PIGK: variants seen among roughly 807,000 people sequenced by gnomAD.
PIGK encodes GPI-anchor transamidase.
In PIGK, 42 loss-of-function variants were observed where a neutral mutation model predicts 50.6. The observed-to-expected ratio is 0.83, with a 90% CI of 0.65 to 1.07. The LOEUF (loss-of-function observed/expected upper bound fraction) is 1.07, where lower values mean the gene tolerates loss of function less well. PIGK is among the 50% of genes least tolerant of loss of function. PIGK has a pLI of 0.00. For missense variants in PIGK, 448 were observed against 488.7 expected, an observed-to-expected ratio of 0.92 and a Z score of 0.78; for synonymous variants, 151 against 156.0, an observed-to-expected ratio of 0.97 and a Z score of 0.24.
intron 6 of PIGK, among the ~76,000 whole-genome samples, chr1:77,162,719 A>T (rs1193375495): frequency 6.6e-6 from 1 of 152,170 alleles, no homozygotes; most frequent in Non-Finnish European, 1.5e-5. Context: ...GAACCTAGAA[A>T]ACAAAGCATT....
chr1:77,125,546 G>C (rs781064960), intron 9 of PIGK, among the ~76,000 whole-genome samples: 44 of 152,182 alleles, frequency 2.9e-4, no homozygotes, highest in Non-Finnish European at 4.7e-4. Flanking sequence ...ATATCAAGAA[G>C]TGTGATGCTA....
chr1:77,179,599 T>C (rs1444732584), intron 3 of PIGK, among the ~76,000 whole-genome samples: 1 of 152,144 alleles, frequency 6.6e-6, no homozygotes, highest in Non-Finnish European at 1.5e-5. Context: ...CTTTCCCTTT[T>C]TTTTCTCTAT....
At chr1:77,186,851 C>T (rs1365324211) in intron 3 of PIGK, among the ~76,000 whole-genome samples, 3 of 152,182 alleles carry the variant, frequency 2.0e-5, no homozygotes, top group Non-Finnish European at 4.4e-5. Flanking sequence ...CTCAATATGG[C>T]ACCATTCCTC....
rs373853392 is a variant in PIGK at position 77,163,950 on chromosome 1, A to G, written c.488-8T>C. 3.6e-5 allele frequency: 53 copies of G among 1,459,624 alleles called. 1 individual carries two copies. The East Asian group carries it at 4.1e-4, about 11-fold the overall frequency. 90.4% of individuals were successfully genotyped at this position (1,459,624 alleles called of 1,614,324 possible). A position where few individuals can be genotyped will look rare whatever the true frequency, so the allele number is the denominator to read the frequency against. On this transcript the variant is annotated splice_polypyrimidine_tract_variant and splice_region_variant and intron_variant, in intron 5 of 10. Coordinates refer to ENST00000370812, the MANE Select transcript of PIGK (RefSeq NM_005482.3). Reference sequence around the variant, plus strand: ...AACCATTTCCACCATGCCCTTGTATAAAGAGTAAAAAAGATCAATAGATTT... The same window carrying G: ...AACCATTTCCACCATGCCCTTGTATGAAGAGTAAAAAAGATCAATAGATTT...
intron 3 of PIGK, among the ~76,000 whole-genome samples, chr1:77,181,173 A>G (rs371358314): frequency 6.6e-6 from 1 of 152,170 alleles, no homozygotes; most frequent in East Asian, 1.9e-4. Flanking sequence ...GCCTAAAATA[A>G]TAATTTCCCA....
chr1:77,166,612 C>A, intron 5 of PIGK, 107 bp downstream of exon 5: 2 of 591,946 alleles, frequency 3.4e-6, no homozygotes, highest in South Asian at 2.5e-5. Flanking sequence ...CATGAGAAAC[C>A]ATTTTAACCA....
intron 9 of PIGK, among the ~76,000 whole-genome samples, chr1:77,135,048 T>C (rs1654468247): frequency 6.6e-6 from 1 of 152,166 alleles, no homozygotes; most frequent in South Asian, 2.1e-4. Flanking sequence ...TATTGGTTAA[T>C]ATTTGTAAAC....
At chr1:77,108,019 C>T (rs544731945) in intron 10 of PIGK, among the ~76,000 whole-genome samples, 18 of 152,174 alleles carry the variant, frequency 1.2e-4, no homozygotes, top group Non-Finnish European at 1.6e-4. Flanking sequence ...ATACAGCACA[C>T]TGATGGCTCT....
chr1:77,147,861 C>T (rs1428871654), intron 9 of PIGK, among the ~76,000 whole-genome samples: 10 of 152,170 alleles, frequency 6.6e-5, no homozygotes, highest in Non-Finnish European at 1.3e-4. Flanking sequence ...TACTATATAA[C>T]TTTATCTTAC....
intron 10 of PIGK, among the ~76,000 whole-genome samples, chr1:77,109,486 T>G (rs951949028): frequency 2.6e-5 from 4 of 152,162 alleles, no homozygotes; most frequent in Non-Finnish European, 4.4e-5. Context: ...ATCCAGCATA[T>G]AAACAGAACC....
intron 3 of PIGK, among the ~76,000 whole-genome samples, chr1:77,199,358 A>G (rs757036744): frequency 1.3e-5 from 2 of 152,068 alleles, no homozygotes; most frequent in Non-Finnish European, 2.9e-5. Context: ...TTCAAACACT[A>G]TTATTTATAT....
chr1:77,169,364 C>G lies in PIGK; in HGVS notation c.271G>C (p.Ala91Pro). The change falls in exon 4 of 11, where the codon GCC becomes CCC. Residue 91 changes from alanine to proline, a missense_variant. By Grantham distance (27) the Ala-to-Pro change is conservative. Coordinates refer to ENST00000370812, the MANE Select transcript of PIGK (RefSeq NM_005482.3). ...HIVLMLADDM[A>P]CNPRNPKPAT... Reference sequence around the variant, plus strand: ...GGTTTGGGATTTCTAGGATTACAGGCCATATCATCTGCAAGCATTAGGACA... The same window carrying G: ...GGTTTGGGATTTCTAGGATTACAGGGCATATCATCTGCAAGCATTAGGACA... 1 of 1,605,196 alleles carries G rather than the reference C, an allele frequency of 6.2e-7. No individual in the cohort carries two copies. The highest frequency in any genetic ancestry group is 8.5e-7 in the Non-Finnish European group (1 of 1,175,730).
At chr1:77,196,628 T>A (rs893417023) in intron 3 of PIGK, among the ~76,000 whole-genome samples, 4 of 152,216 alleles carry the variant, frequency 2.6e-5, no homozygotes, top group African/African-American at 7.2e-5. Context: ...TTGAGAAGTG[T>A]CTGTTTATAT....
chr1:77,193,245 ATGTGTGTGTGTGTG>A (rs56987496), intron 3 of PIGK, among the ~76,000 whole-genome samples: 11 of 144,876 alleles, frequency 7.6e-5, no homozygotes, highest in African/African-American at 2.9e-4. Flanking sequence ...TGGCATGAGA[ATGTGTGTGTGTGTG>A]TGTGTGTGTG....
chr1:77,113,841 T>C lies in PIGK; in HGVS notation c.1071+8434A>G, dbSNP rs111716794. 4.7e-3 allele frequency among the ~76,000 whole-genome samples: 714 copies of C among 152,172 alleles called. 4 individuals carry two copies. Among genetic ancestry groups the C allele is most frequent in the Middle Eastern group, 0.027 (8 of 294 alleles). On this transcript the variant is annotated intron_variant, in intron 10 of 10. Coordinates refer to ENST00000370812, the MANE Select transcript of PIGK (RefSeq NM_005482.3). Reference sequence around the variant, plus strand: ...AGCCATCCATAGGCAAAATTTTAAATAAGCAAAGATAATCTTTAGCACTCT... The same window carrying C: ...AGCCATCCATAGGCAAAATTTTAAACAAGCAAAGATAATCTTTAGCACTCT...
rs551283192 is a variant in PIGK, at chr1:77,120,507, A to T, written c.1071+1768T>A. On this transcript the variant is annotated intron_variant, in intron 10 of 10. Transcript: ENST00000370812. The stretch of plus-strand genomic sequence containing the variant: ...AGGGCTGGGATTATAGGCATGGGAT[A>T]CCACGTGCCCGGCCAAAATTTGCTT... 3.8e-3 allele frequency among the ~76,000 whole-genome samples: 572 copies of T among 152,306 alleles called. 5 individuals are homozygous for T. The highest frequency in any genetic ancestry group is 0.013 in the African/African-American group (542 of 41,568).
At chr1:77,157,644 T>C (rs1655038798) in intron 8 of PIGK, among the ~76,000 whole-genome samples, 1 of 152,208 alleles carries the variant, frequency 6.6e-6, no homozygotes, top group Non-Finnish European at 1.5e-5. Flanking sequence ...TTCAAATTCA[T>C]ATCAAGATTT....
rs986031302 is a variant in PIGK at position 77,183,395 on chromosome 1, G to T, written c.240-14000C>A. Among the ~76,000 whole-genome samples the T allele has an allele frequency of 7.2e-5, 11 of 152,186 alleles. No individual in the cohort carries two copies. The Middle Eastern group carries it at 0.017, about 235-fold the overall frequency. ...CTATGCTGCCTGAGGCAACAGTAAC[G>T]GCCTCCCCTGAGGCAGTTGTTAGGC... On this transcript the variant is annotated intron_variant, in intron 3 of 10. Coordinates refer to ENST00000370812, the MANE Select transcript of PIGK (RefSeq NM_005482.3).
At chr1:77,118,772 A>G (rs1654033376) in intron 10 of PIGK, among the ~76,000 whole-genome samples, 2 of 152,194 alleles carry the variant, frequency 1.3e-5, no homozygotes, top group Admixed American at 1.3e-4. Context: ...TATCATTTAT[A>G]TAAACCATAT....
Sources: gnomAD v4.1 joint callset for allele counts (sites outside exome capture counted in the v4.1 genomes callset) on GRCh38, gnomAD v4.1.1 for gene constraint, MANE v1.5 for transcripts, NCBI Gene and HGNC (gene_info 2026-07-23, HGNC 2026-07-21) for gene names.